NPHP1: variants seen among roughly 807,000 people sequenced by gnomAD.
The protein encoded by NPHP1 is nephrocystin-1.
NPHP1 carries 70 observed loss-of-function variants against 90.4 expected under a neutral mutation model. The observed-to-expected ratio is 0.77, with a 90% CI of 0.64 to 0.95. The LOEUF is 0.95. Among genes scored for constraint, NPHP1 ranks in the 40% least tolerant of loss-of-function variants. The probability of loss-of-function intolerance (pLI) is 0.00; values close to 1 mark genes in which losing one functional copy is unlikely to be tolerated. For synonymous variants in NPHP1, 256 were observed against 271.7 expected (o/e 0.94, Z 0.57); for missense variants, 764 against 795.9 (o/e 0.96, Z 0.48).
At chr2:110,162,949 C>T (rs1483272451) in intron 9 of NPHP1, 99 bp downstream of exon 9, 1 of 786,588 alleles carries the variant, frequency 1.3e-6, no homozygotes, top group South Asian at 1.4e-5. Flanking sequence ...TGAGATTCAA[C>T]ATCTTCTTCA....
At chr2:110,175,911 G>T (rs1397372257) in intron 4 of NPHP1, among the ~76,000 whole-genome samples, 2 of 151,770 alleles carry the variant, frequency 1.3e-5, no homozygotes, top group Admixed American at 6.6e-5. Context: ...TTATTTTTGT[G>T]TATCAATTTG....
At chr2:110,129,162 T>C in intron 18 of NPHP1, 24 bp downstream of exon 18, 1 of 1,585,458 alleles carries the variant, frequency 6.3e-7, no homozygotes, top group Non-Finnish European at 8.7e-7. Flanking sequence ...CCAGCAGGTT[T>C]CCATTGCAAT....
At chr2:110,157,016 C>G (rs1326686168) in intron 11 of NPHP1, among the ~76,000 whole-genome samples, 1 of 152,054 alleles carries the variant, frequency 6.6e-6, no homozygotes, top group Non-Finnish European at 1.5e-5. Context: ...ACCATGTGCT[C>G]TGCCCGCCTC....
In NPHP1 at chr2:110,201,493, A is replaced by C; in HGVS notation, c.71T>G (p.Val24Gly). ...TTGGCTCTCAGAAAGCAAACTATCA[A>C]CCTATGGAGACCATTTAAAATATCA... is the stretch of plus-strand genomic sequence containing the variant. ...RRRNQELKQQ[V>G]DSLLSESQLK... Residue 24 changes from valine (V) to glycine (G), a missense_variant and splice_region_variant, in exon 2 of 20, where the codon GTT becomes GGT. By Grantham distance (109) the Val-to-Gly change is moderately radical. Transcript: ENST00000445609. The C allele has an allele frequency of 6.2e-7, 1 of 1,602,124 alleles. No individual in the cohort carries two copies. The highest frequency in any genetic ancestry group is 8.5e-7 in the Non-Finnish European group (1 of 1,170,838).
At chr2:110,190,331 C>G (rs955158703) in intron 2 of NPHP1, among the ~76,000 whole-genome samples, 2 of 152,144 alleles carry the variant, frequency 1.3e-5, no homozygotes, top group African/African-American at 4.8e-5. Context: ...CCACAGAGGG[C>G]GGGGAGGCTC....
intron 2 of NPHP1, among the ~76,000 whole-genome samples, chr2:110,191,578 G>A (rs60498269): frequency 0.043 from 6,507 of 152,244 alleles, 458 homozygotes; most frequent in African/African-American, 0.15. Context: ...TCCACCTCTG[G>A]GGACAGGGCA....
intron 2 of NPHP1, chr2:110,184,547 C>T: frequency 7.7e-7 from 1 of 1,304,716 alleles, no homozygotes; most frequent in Non-Finnish European, 1.1e-6. Flanking sequence ...GGGATGGCAT[C>T]ACCCATGCTG....
At chr2:110,129,029 A>G in intron 18 of NPHP1, 157 bp downstream of exon 18, 1 of 659,716 alleles carries the variant, frequency 1.5e-6, no homozygotes, top group Non-Finnish European at 2.8e-6. Context: ...TTATGCTAAG[A>G]TGGGAAAGAT....
intron 8 of NPHP1, chr2:110,164,380 G>A: frequency 1.5e-6 from 1 of 663,054 alleles, no homozygotes; most frequent in Non-Finnish European, 2.7e-6. Context: ...TTTTCGAATA[G>A]TAAATAAAAT....
At chr2:110,124,823 T>C (rs1053399841) in intron 19 of NPHP1, 2 of 180,004 alleles carry the variant, frequency 1.1e-5, no homozygotes, top group African/African-American at 4.8e-5. Flanking sequence ...CACATGTATG[T>C]AGATGGTACT....
intron 1 of NPHP1, among the ~76,000 whole-genome samples, chr2:110,204,652 G>A (rs1226670042): frequency 6.6e-6 from 1 of 152,042 alleles, no homozygotes; most frequent in African/African-American, 2.4e-5. Flanking sequence ...AGGAGGGGGC[G>A]CTTAGTTGAT....
chr2:110,153,007 A>G (rs904501747), intron 11 of NPHP1, among the ~76,000 whole-genome samples: 1 of 152,168 alleles, frequency 6.6e-6, no homozygotes. Flanking sequence ...AATTCATGCC[A>G]GATACACCGT....
chr2:110,173,235 C>T (rs747688802), intron 4 of NPHP1, among the ~76,000 whole-genome samples: 1 of 152,064 alleles, frequency 6.6e-6, no homozygotes. Flanking sequence ...CCGCACCTGG[C>T]CACATGCAGT....
chr2:110,140,400 T>C (rs1180256284), intron 16 of NPHP1, among the ~76,000 whole-genome samples: 4 of 152,112 alleles, frequency 2.6e-5, no homozygotes, highest in Admixed American at 2.6e-4. Context: ...TCCTGAGGTA[T>C]GGAGCACAAG....
chr2:110,193,595 C>T (rs952629842), intron 2 of NPHP1, among the ~76,000 whole-genome samples: 1 of 152,094 alleles, frequency 6.6e-6, no homozygotes, highest in African/African-American at 2.4e-5. Flanking sequence ...TTAGACAGAT[C>T]AACGGGACAG....
At chr2:110,189,926 T>G (rs1684580926) in intron 2 of NPHP1, among the ~76,000 whole-genome samples, 1 of 151,940 alleles carries the variant, frequency 6.6e-6, no homozygotes, top group South Asian at 2.1e-4. Flanking sequence ...AGATACAGAG[T>G]GCCGATTGGT....
chr2:110,195,681 A>T (rs756293150), intron 2 of NPHP1, among the ~76,000 whole-genome samples: 1 of 152,168 alleles, frequency 6.6e-6, no homozygotes, highest in Non-Finnish European at 1.5e-5. Flanking sequence ...ACCAAAAAAG[A>T]GCCCACATTA....
chr2:110,181,642 A>T (rs1463424708), intron 2 of NPHP1, among the ~76,000 whole-genome samples: 1 of 152,148 alleles, frequency 6.6e-6, no homozygotes. Context: ...AAGGTCAGCA[A>T]CCTCAAAGAT....
chr2:110,191,073 A>G (rs190505270), intron 2 of NPHP1, among the ~76,000 whole-genome samples: 7 of 152,278 alleles, frequency 4.6e-5, no homozygotes, highest in Non-Finnish European at 8.8e-5. Context: ...TCCAGTCTAC[A>G]GCTCCCAGAG....
Sources: gnomAD v4.1 joint callset for allele counts (sites outside exome capture counted in the v4.1 genomes callset) on GRCh38, gnomAD v4.1.1 for gene constraint, MANE v1.5 for transcripts, NCBI Gene and HGNC (gene_info 2026-07-23, HGNC 2026-07-21) for gene names.